ANOS1: variants seen among roughly 807,000 people sequenced by gnomAD.
ANOS1 encodes anosmin 1.
A neutral mutation model predicts 59.0 loss-of-function variants in ANOS1; 6 were observed. The ratio of observed to expected loss-of-function variants is 0.10; its 90% CI spans 0.06 to 0.20. The LOEUF (loss-of-function observed/expected upper bound fraction) is 0.20. ANOS1 is among the 10% of genes least tolerant of loss of function. ANOS1 has a pLI of 1.00. For missense variants in ANOS1, 433 were observed against 542.3 expected, an observed-to-expected ratio of 0.80 and a Z score of 2.00; for synonymous variants, 217 against 223.4, an observed-to-expected ratio of 0.97 and a Z score of 0.25.
chrX:8,612,077 T>C (rs1346352536), intron 3 of ANOS1, among the ~76,000 whole-genome samples: 1 of 111,904 alleles, frequency 8.9e-6, no homozygotes, highest in African/African-American at 3.2e-5. Flanking sequence ...TATATTGTTA[T>C]GACATTTTCA....
intron 1 of ANOS1, among the ~76,000 whole-genome samples, chrX:8,722,203 TA>T (rs1345612802): frequency 8.9e-6 from 1 of 111,985 alleles, no homozygotes; most frequent in Non-Finnish European, 1.9e-5. Flanking sequence ...CAGTACTTTT[TA>T]AAAAAATACA....
intron 2 of ANOS1, among the ~76,000 whole-genome samples, chrX:8,656,742 G>A (rs988622201): frequency 9.0e-6 from 1 of 111,185 alleles, no homozygotes; most frequent in African/African-American, 3.3e-5. Flanking sequence ...CGCCATACAT[G>A]ACTTGAAAAG....
At chrX:8,673,024 C>T (rs1001067046) in intron 2 of ANOS1, among the ~76,000 whole-genome samples, 1 of 111,340 alleles carries the variant, frequency 9.0e-6, no homozygotes, top group African/African-American at 3.3e-5. Flanking sequence ...TTTATGTCCG[C>T]ACATCATAGT....
chrX:8,548,792 G>C (rs193139843), intron 9 of ANOS1, among the ~76,000 whole-genome samples: 1 of 112,467 alleles, frequency 8.9e-6, no homozygotes, highest in Admixed American at 9.4e-5. Context: ...GGCCAGCATG[G>C]ATATGTACTT....
At chrX:8,640,591 CA>C (rs545822787) in intron 2 of ANOS1, among the ~76,000 whole-genome samples, 627 of 31,501 alleles carry the variant, frequency 0.02, no homozygotes, top group Middle Eastern at 0.047. Flanking sequence ...TGAACCTGTA[CA>C]AAAAAAAAAA....
intron 6 of ANOS1, among the ~76,000 whole-genome samples, chrX:8,574,878 T>A: frequency 9.0e-6 from 1 of 111,642 alleles, no homozygotes; most frequent in Non-Finnish European, 1.9e-5. Context: ...TAGAGAACCG[T>A]GACTAATACA....
intron 2 of ANOS1, among the ~76,000 whole-genome samples, chrX:8,662,486 A>G (rs1468853428): frequency 8.9e-6 from 1 of 112,260 alleles, no homozygotes; most frequent in Admixed American, 9.4e-5. Flanking sequence ...AAGAAAATGA[A>G]TAAGTGTGGC....
At chrX:8,592,807 T>C (rs1285303829) in intron 4 of ANOS1, among the ~76,000 whole-genome samples, 1 of 111,995 alleles carries the variant, frequency 8.9e-6, no homozygotes, top group Non-Finnish European at 1.9e-5. Context: ...CAAGCCTTCA[T>C]TTTGATGCTA....
chrX:8,681,303 T>A (rs1243439853), intron 2 of ANOS1, among the ~76,000 whole-genome samples: 1 of 112,321 alleles, frequency 8.9e-6, no homozygotes, highest in Non-Finnish European at 1.9e-5. Flanking sequence ...AACAGAACCC[T>A]GCAAGGGTAA....
rs1186688219 is a variant in ANOS1 at position 8,531,154 on chromosome X, A to G, written c.*1841T>C. On this transcript the variant is annotated 3_prime_UTR_variant, in exon 14 of 14. Transcript: ENST00000262648. ...TTTATGTTACTTGTACAAAGCTGCA[A>G]AACATTCCTGGAATATCCACTTTTT... 9.1e-6 allele frequency: 1 copy of G among 109,305 alleles called. No homozygotes were observed. The highest frequency in any genetic ancestry group is 1.9e-5 in the Non-Finnish European group (1 of 52,583). The allele number at this position is 109,305 out of a possible 1,213,427, so 9.0% of individuals were successfully genotyped here. A position where few individuals can be genotyped will look rare whatever the true frequency, so the allele number is the denominator to read the frequency against.
chrX:8,718,933 T>C (rs951151014), intron 1 of ANOS1, among the ~76,000 whole-genome samples: 1 of 112,212 alleles, frequency 8.9e-6, no homozygotes, highest in African/African-American at 3.2e-5. Flanking sequence ...GGTGCAGAGT[T>C]CTCAGAAAAT....
intron 2 of ANOS1, among the ~76,000 whole-genome samples, chrX:8,667,709 A>G (rs1932172214): frequency 9.0e-6 from 1 of 111,184 alleles, no homozygotes. Flanking sequence ...GTTGCTTCTT[A>G]GAAGGAGTAA....
chrX:8,565,805 C>T (rs1380425780), intron 8 of ANOS1: 1 of 123,776 alleles, frequency 8.1e-6, no homozygotes, highest in Non-Finnish European at 1.6e-5. Context: ...AAATCCAGAG[C>T]TTGTGTTTGA....
chrX:8,644,844 C>G (rs1931726124), intron 2 of ANOS1, among the ~76,000 whole-genome samples: 1 of 112,731 alleles, frequency 8.9e-6, no homozygotes, highest in Non-Finnish European at 1.9e-5. Flanking sequence ...CCTGGAAGCC[C>G]TCTGCTTTGA....
At chrX:8,583,629 TCTTCCATGA>T (rs1930462120) in intron 6 of ANOS1, among the ~76,000 whole-genome samples, 2 of 111,965 alleles carry the variant, frequency 1.8e-5, no homozygotes, top group African/African-American at 6.5e-5. Context: ...TATAATGGAA[TCTTCCATGA>T]ATTCTGTACA....
intron 8 of ANOS1, among the ~76,000 whole-genome samples, chrX:8,554,843 A>G (rs1161204601): frequency 5.4e-5 from 6 of 110,307 alleles, no homozygotes; most frequent in Non-Finnish European, 1.1e-4. Context: ...TAACAAGAAC[A>G]TTCAGGACTT....
chrX:8,641,159 G>A lies in ANOS1; in HGVS notation c.256-17489C>T, dbSNP rs567606743. Among the ~76,000 whole-genome samples the A allele has an allele frequency of 8.3e-4, 93 of 111,960 alleles. 1 individual carries two copies. The South Asian group carries it at 0.034, about 41-fold the overall frequency. ...GAGTAAGGAATATCACAGGGGATTCGAAAGCAATAAAAAATAACATACTTC... is the reference window on the plus strand; with the variant it reads ...GAGTAAGGAATATCACAGGGGATTCAAAAGCAATAAAAAATAACATACTTC... On this transcript the variant is annotated intron_variant, in intron 2 of 13. Transcript: ENST00000262648.
At chrX:8,611,292 A>T (rs1931052751) in intron 3 of ANOS1, among the ~76,000 whole-genome samples, 1 of 99,998 alleles carries the variant, frequency 1.0e-5, no homozygotes, top group South Asian at 4.9e-4. Flanking sequence ...ATTAAAATGA[A>T]GCAGAGGGTG....
At chrX:8,590,803 T>G (rs1218278767) in intron 4 of ANOS1, among the ~76,000 whole-genome samples, 1 of 112,048 alleles carries the variant, frequency 8.9e-6, no homozygotes, top group Non-Finnish European at 1.9e-5. Context: ...ACTGCAACAA[T>G]GGTAATCCCT....
Sources: allele counts gnomAD v4.1 joint callset (sites outside exome capture counted in the v4.1 genomes callset), GRCh38; gene constraint gnomAD v4.1.1; transcripts MANE v1.5; gene names NCBI Gene and HGNC (gene_info 2026-07-23, HGNC 2026-07-21).